TMEM132C: variants seen among roughly 807,000 people sequenced by gnomAD.
The protein encoded by TMEM132C is transmembrane protein 132C, also known as protein phosphatase 1, regulatory subunit 152.
Under a neutral mutation model 61.4 loss-of-function variants are expected in TMEM132C, and 29 were observed. The observed-to-expected ratio is 0.47, with a 90% CI of 0.35 to 0.64. TMEM132C has a LOEUF of 0.64. TMEM132C is among the 30% of genes least tolerant of loss of function. The pLI is 0.00. For missense variants in TMEM132C, 1,408 were observed against 1,476.9 expected (o/e 0.95, Z 0.76); for synonymous variants, 656 against 633.1 (o/e 1.04, Z -0.54).
chr12:128,492,029 T>G (rs999266414), intron 2 of TMEM132C, among the ~76,000 whole-genome samples: 1 of 152,058 alleles, frequency 6.6e-6, no homozygotes, highest in Non-Finnish European at 1.5e-5. Flanking sequence ...GGCCCCGGTG[T>G]GTGATGTTCC....
At chr12:128,498,732 C>T (rs1872055826) in intron 2 of TMEM132C, among the ~76,000 whole-genome samples, 1 of 151,884 alleles carries the variant, frequency 6.6e-6, no homozygotes, top group Non-Finnish European at 1.5e-5. Flanking sequence ...GAGTAATGCT[C>T]ATCTGAAAAT....
chr12:128,445,209 C>T (rs1447877880), intron 2 of TMEM132C, among the ~76,000 whole-genome samples: 1 of 132,408 alleles, frequency 7.6e-6, no homozygotes, highest in South Asian at 2.5e-4. Context: ...AAAAAAAAAA[C>T]TACAACTTTT....
chr12:128,622,360 A>AAAT (rs1277080166), intron 4 of TMEM132C, among the ~76,000 whole-genome samples: 60 of 30,098 alleles, frequency 2.0e-3, no homozygotes, highest in Non-Finnish European at 2.3e-3. Flanking sequence ...AAAAAAAAAA[A>AAAT]ATATATATAT....
chr12:128,344,803 T>C (rs924936612), intron 1 of TMEM132C, among the ~76,000 whole-genome samples: 3 of 152,220 alleles, frequency 2.0e-5, no homozygotes, highest in Non-Finnish European at 2.9e-5. Context: ...ATTGGTTCTA[T>C]ATATCTATAT....
At chr12:128,295,674 G>T (rs1264299897) in intron 1 of TMEM132C, among the ~76,000 whole-genome samples, 1 of 149,966 alleles carries the variant, frequency 6.7e-6, no homozygotes, top group African/African-American at 2.5e-5. Flanking sequence ...AAAGGGTGGG[G>T]TACAACCTGA....
intron 1 of TMEM132C, among the ~76,000 whole-genome samples, chr12:128,411,221 A>G (rs1868526197): frequency 2.0e-5 from 3 of 152,104 alleles, no homozygotes; most frequent in African/African-American, 7.2e-5. Context: ...AATTCAGTGA[A>G]CAACTTGGGG....
chr12:128,357,074 C>T (rs926284213), intron 1 of TMEM132C, among the ~76,000 whole-genome samples: 1 of 152,152 alleles, frequency 6.6e-6, no homozygotes. Flanking sequence ...AAGTTAAATA[C>T]AGAATTACAG....
chr12:128,624,205 C>T (rs1053762050), intron 4 of TMEM132C, among the ~76,000 whole-genome samples: 2 of 152,082 alleles, frequency 1.3e-5, no homozygotes, highest in African/African-American at 4.8e-5. Context: ...CCTGTGTGAC[C>T]TTGGGCAAGT....
chr12:128,703,944 A>T (rs568553267), intron 8 of TMEM132C, among the ~76,000 whole-genome samples: 101 of 152,316 alleles, frequency 6.6e-4, no homozygotes, highest in African/African-American at 2.4e-3. Context: ...TGGAAGCAGA[A>T]TAGAAGTACC....
At chr12:128,292,251 C>T (rs1261325820) in intron 1 of TMEM132C, among the ~76,000 whole-genome samples, 1 of 152,120 alleles carries the variant, frequency 6.6e-6, no homozygotes, top group Non-Finnish European at 1.5e-5. Flanking sequence ...TCAAAAGAAT[C>T]GTGGTCAAAC....
At chr12:128,550,725 G>A (rs1874145023) in intron 3 of TMEM132C, among the ~76,000 whole-genome samples, 1 of 152,204 alleles carries the variant, frequency 6.6e-6, no homozygotes, top group Non-Finnish European at 1.5e-5. Flanking sequence ...TGGGGCAGAG[G>A]GCTTTGTGAG....
chr12:128,272,277 A>C (rs561431816), intron 1 of TMEM132C, among the ~76,000 whole-genome samples: 1 of 142,516 alleles, frequency 7.0e-6, no homozygotes, highest in Non-Finnish European at 1.5e-5. Context: ...AAACAGGATC[A>C]TGCAGTATGC....
chr12:128,478,200 G>A (rs75635464), intron 2 of TMEM132C, among the ~76,000 whole-genome samples: 7,403 of 152,252 alleles, frequency 0.049, 570 homozygotes, highest in African/African-American at 0.17. Context: ...AGATAGACGC[G>A]TAATGAATGC....
rs1874834111 is a variant in TMEM132C, at chr12:128,570,334, AT to A, written c.1121+26233del. On this transcript the variant is annotated intron_variant, in intron 3 of 8. Coordinates refer to ENST00000435159, the MANE Select transcript of TMEM132C (RefSeq NM_001136103.3). The surrounding 1 kb of genome is among the most constrained non-coding windows in gnomAD (Gnocchi z 4.7). ...CTCTTGTCAGTTTCTTTTCCAAGTAATTCACAACACGTGAGTGCATTCATGG... is the reference window on the plus strand; with the variant it reads ...CTCTTGTCAGTTTCTTTTCCAAGTAATCACAACACGTGAGTGCATTCATGG... Among the ~76,000 whole-genome samples the A allele has an allele frequency of 6.6e-6, 1 of 152,194 alleles. No homozygotes were observed. The highest frequency in any genetic ancestry group is 2.4e-5 in the African/African-American group (1 of 41,440).
intron 1 of TMEM132C, among the ~76,000 whole-genome samples, chr12:128,321,516 G>A (rs983214610): frequency 1.3e-5 from 2 of 152,208 alleles, no homozygotes; most frequent in African/African-American, 4.8e-5. Context: ...TGGCTATAAA[G>A]GGAGAAAGGA....
chr12:128,407,713 C>T (rs577200071), intron 1 of TMEM132C, among the ~76,000 whole-genome samples: 7 of 152,296 alleles, frequency 4.6e-5, no homozygotes, highest in South Asian at 2.1e-4. Context: ...TTGAGACCTG[C>T]GCCCAGAAGA....
intron 4 of TMEM132C, among the ~76,000 whole-genome samples, chr12:128,649,813 T>C (rs1179580395): frequency 6.6e-6 from 1 of 152,258 alleles, no homozygotes; most frequent in Non-Finnish European, 1.5e-5. Flanking sequence ...AGATGGTGCC[T>C]GCTTAAATTG....
chr12:128,574,086 T>C (rs1311121235), intron 3 of TMEM132C, among the ~76,000 whole-genome samples: 1 of 152,006 alleles, frequency 6.6e-6, no homozygotes, highest in Admixed American at 6.6e-5. Context: ...CAGAGGAGCC[T>C]GCCCCATTTG....
At chr12:128,282,757 C>G (rs1412561644) in intron 1 of TMEM132C, among the ~76,000 whole-genome samples, 1 of 152,180 alleles carries the variant, frequency 6.6e-6, no homozygotes, top group Non-Finnish European at 1.5e-5. Flanking sequence ...AATTTCATGA[C>G]TTTGACACTG....
Sources: allele counts gnomAD v4.1 joint callset (sites outside exome capture counted in the v4.1 genomes callset), GRCh38; gene constraint gnomAD v4.1.1; non-coding constraint Gnocchi (gnomAD v3.1); transcripts MANE v1.5; gene names NCBI Gene and HGNC (gene_info 2026-07-23, HGNC 2026-07-21).